LRRC4C: variants seen among roughly 807,000 people sequenced by gnomAD.
LRRC4C encodes leucine-rich repeat-containing protein 4C.
A neutral mutation model predicts 33.6 loss-of-function variants in LRRC4C; 5 were observed. The observed-to-expected ratio is 0.15, with a 90% CI of 0.08 to 0.31. The LOEUF is 0.31. Ranked by LOEUF, LRRC4C falls within the 10% of genes least tolerant of loss-of-function variation. The probability of loss-of-function intolerance (pLI) is 1.00; values close to 1 mark genes in which losing one functional copy is unlikely to be tolerated. For missense variants in LRRC4C, 560 were observed against 796.7 expected (o/e 0.70, Z 3.58); for synonymous variants, 329 against 302.0 (o/e 1.09, Z -0.93).
At chr11:40,333,892 AAGAG>A (rs1016958379) in intron 3 of LRRC4C, among the ~76,000 whole-genome samples, 3 of 151,846 alleles carry the variant, frequency 2.0e-5, no homozygotes, top group East Asian at 3.9e-4. Context: ...TGTTGTGTGG[AAGAG>A]AGAGAGTGAT....
chr11:41,394,380 A>G (rs1361920797), intron 1 of LRRC4C, among the ~76,000 whole-genome samples: 1 of 151,942 alleles, frequency 6.6e-6, no homozygotes, highest in Non-Finnish European at 1.5e-5. Context: ...GGAATAGAGT[A>G]TGCGTCTCTC....
chr11:41,146,239 C>A (rs1943722150), intron 1 of LRRC4C, among the ~76,000 whole-genome samples: 1 of 152,164 alleles, frequency 6.6e-6, no homozygotes, highest in Non-Finnish European at 1.5e-5. Context: ...GGTCATTTAA[C>A]TTTTCTCTGC....
chr11:40,943,332 G>T (rs748051792), intron 1 of LRRC4C, among the ~76,000 whole-genome samples: 1 of 152,114 alleles, frequency 6.6e-6, no homozygotes, highest in South Asian at 2.1e-4. Flanking sequence ...ATGATCACAC[G>T]AATGATTGTA....
At chr11:41,433,782 T>C (rs1391222756) in intron 1 of LRRC4C, among the ~76,000 whole-genome samples, 1 of 151,868 alleles carries the variant, frequency 6.6e-6, no homozygotes, top group Non-Finnish European at 1.5e-5. Flanking sequence ...TTAATACTTA[T>C]TAATAAACTC....
chr11:41,219,070 C>T (rs560528032), intron 1 of LRRC4C, among the ~76,000 whole-genome samples: 4 of 152,098 alleles, frequency 2.6e-5, no homozygotes, highest in South Asian at 4.2e-4. Context: ...CGCGCCCGGC[C>T]GCATATGTCA....
At chr11:40,249,758 G>A (rs968850468) in intron 4 of LRRC4C, among the ~76,000 whole-genome samples, 3 of 151,778 alleles carry the variant, frequency 2.0e-5, no homozygotes, top group Admixed American at 1.3e-4. Context: ...GGACTCTCTC[G>A]CTTTTTTTTC....
intron 1 of LRRC4C, among the ~76,000 whole-genome samples, chr11:41,205,966 G>A (rs925097346): frequency 5.9e-5 from 9 of 152,028 alleles, no homozygotes; most frequent in African/African-American, 2.2e-4. Flanking sequence ...TCCTTAGCTG[G>A]CCAGTGTTTC....
chr11:40,910,071 A>G (rs1956599254), intron 2 of LRRC4C, among the ~76,000 whole-genome samples: 1 of 152,144 alleles, frequency 6.6e-6, no homozygotes, highest in Non-Finnish European at 1.5e-5. Flanking sequence ...TCAAAATAAG[A>G]CCTGTATTTA....
At chr11:40,543,584 G>A (rs189913969) in intron 3 of LRRC4C, among the ~76,000 whole-genome samples, 157 of 152,172 alleles carry the variant, frequency 1.0e-3, no homozygotes, top group Non-Finnish European at 1.5e-3. Flanking sequence ...TCCTGAAAAG[G>A]CAGCTGGATG....
intron 2 of LRRC4C, among the ~76,000 whole-genome samples, chr11:40,700,865 A>AT (rs1346436198): frequency 6.6e-6 from 1 of 152,190 alleles, no homozygotes; most frequent in Non-Finnish European, 1.5e-5. Context: ...AATAAGTACT[A>AT]TTTTTGTTTA....
At chr11:41,150,653 G>A (rs1365202647) in intron 1 of LRRC4C, among the ~76,000 whole-genome samples, 1 of 151,918 alleles carries the variant, frequency 6.6e-6, no homozygotes, top group Non-Finnish European at 1.5e-5. Context: ...AGCCAGGTGT[G>A]GTGATGCTTG....
At chr11:41,449,875 T>G (rs1438409869) in intron 1 of LRRC4C, among the ~76,000 whole-genome samples, 1 of 152,150 alleles carries the variant, frequency 6.6e-6, no homozygotes, top group Non-Finnish European at 1.5e-5. Context: ...ACCCTTATCT[T>G]GGATCCAGAT....
intron 3 of LRRC4C, among the ~76,000 whole-genome samples, chr11:40,405,231 T>C (rs1230213179): frequency 1.3e-5 from 2 of 152,082 alleles, no homozygotes; most frequent in Non-Finnish European, 2.9e-5. Flanking sequence ...CACCATGTCC[T>C]TTTGGTTCAC....
At chr11:41,005,096 C>T (rs1470256912) in intron 1 of LRRC4C, among the ~76,000 whole-genome samples, 1 of 152,138 alleles carries the variant, frequency 6.6e-6, no homozygotes, top group Non-Finnish European at 1.5e-5. Context: ...ACCTCCCTCC[C>T]CCTGATGTGA....
intron 1 of LRRC4C, among the ~76,000 whole-genome samples, chr11:41,000,389 T>G (rs1054991818): frequency 6.6e-6 from 1 of 152,214 alleles, no homozygotes; most frequent in Non-Finnish European, 1.5e-5. Context: ...ACAAAATGCC[T>G]ATTAGAATAG....
intron 1 of LRRC4C, among the ~76,000 whole-genome samples, chr11:41,216,274 A>G (rs531112379): frequency 6.6e-6 from 1 of 152,134 alleles, no homozygotes; most frequent in East Asian, 1.9e-4. Flanking sequence ...CACAGACACA[A>G]TAGAGCGGTG....
intron 3 of LRRC4C, among the ~76,000 whole-genome samples, chr11:40,394,326 T>TA (rs1483005297): frequency 1.3e-5 from 2 of 152,154 alleles, no homozygotes; most frequent in Non-Finnish European, 2.9e-5. Context: ...CTTTTCCTTC[T>TA]AAAAATAACA....
chr11:40,697,841 G>A (rs374143167), intron 2 of LRRC4C, among the ~76,000 whole-genome samples: 7 of 152,014 alleles, frequency 4.6e-5, no homozygotes, highest in African/African-American at 7.2e-5. Context: ...AGGCCAAGGC[G>A]GGTGGATCAT....
chr11:40,703,500 GC>G (rs1430602267), intron 2 of LRRC4C, among the ~76,000 whole-genome samples: 1 of 152,106 alleles, frequency 6.6e-6, no homozygotes, highest in Non-Finnish European at 1.5e-5. Flanking sequence ...GATCACTTGA[GC>G]CCTGGAGGTT....
Sources: allele counts gnomAD v4.1 joint callset (sites outside exome capture counted in the v4.1 genomes callset), GRCh38; gene constraint gnomAD v4.1.1; transcripts MANE v1.5; gene names NCBI Gene and HGNC (gene_info 2026-07-23, HGNC 2026-07-21).